Variants in CLNK observed in about 807,000 individuals in gnomAD.
The protein encoded by CLNK is cytokine-dependent hematopoietic cell linker.
A neutral mutation model predicts 68.6 loss-of-function variants in CLNK; 74 were observed. The ratio of observed to expected loss-of-function variants is 1.08; its 90% CI spans 0.89 to 1.31. The LOEUF (loss-of-function observed/expected upper bound fraction) is 1.31, where lower values mean the gene tolerates loss of function less well. Among genes scored for constraint, CLNK ranks in the 50% most tolerant of loss-of-function variants. The pLI, the probability that CLNK is intolerant of heterozygous loss-of-function variation, is 0.00. For missense variants in CLNK, 553 were observed against 515.3 expected (o/e 1.07, Z -0.71); for synonymous variants, 198 against 172.2 (o/e 1.15, Z -1.17).
the CLNK span, among the ~76,000 whole-genome samples, chr4:10,690,705 T>C: frequency 6.6e-6 from 1 of 152,208 alleles, no homozygotes; most frequent in Non-Finnish European, 1.5e-5. Flanking sequence ...TGTGTTAGTA[T>C]CATTATCGCT....
chr4:10,665,622 C>G (rs1040994358), intron 2 of CLNK, among the ~76,000 whole-genome samples: 1 of 148,162 alleles, frequency 6.7e-6, no homozygotes, highest in African/African-American at 2.5e-5. Context: ...TGAGATCATG[C>G]CACTGCACTA....
At chr4:10,526,026 G>C in intron 13 of CLNK, 104 bp from the exon 14 acceptor site, 1 of 660,314 alleles carries the variant, frequency 1.5e-6, no homozygotes, top group South Asian at 2.0e-5. Flanking sequence ...AGTAATCTCT[G>C]ATTATTAGAA....
intron 2 of CLNK, among the ~76,000 whole-genome samples, chr4:10,602,587 C>T (rs1489227237): frequency 6.6e-6 from 1 of 152,178 alleles, no homozygotes; most frequent in East Asian, 1.9e-4. Context: ...TGGGAGGGAG[C>T]ACGGCCCTAG....
chr4:10,721,387 C>T, the CLNK span, among the ~76,000 whole-genome samples: 2 of 152,082 alleles, frequency 1.3e-5, no homozygotes, highest in Non-Finnish European at 2.9e-5. Flanking sequence ...GCATGAGACT[C>T]TACAATCATC....
chr4:10,503,400 TGC>T (rs1717139758), intron 17 of CLNK, among the ~76,000 whole-genome samples: 1 of 151,304 alleles, frequency 6.6e-6, no homozygotes, highest in South Asian at 2.1e-4. Context: ...AGGCGGAGGT[TGC>T]AGTGAGCCGA....
the CLNK span, among the ~76,000 whole-genome samples, chr4:10,718,251 T>G: frequency 2.0e-5 from 3 of 152,054 alleles, no homozygotes; most frequent in Non-Finnish European, 2.9e-5. Context: ...AAAGAAATAC[T>G]CAGAGAAATA....
intron 6 of CLNK, among the ~76,000 whole-genome samples, chr4:10,565,285 G>A (rs557356164): frequency 1.3e-5 from 2 of 152,306 alleles, no homozygotes; most frequent in African/African-American, 4.8e-5. Flanking sequence ...AATGCTTACT[G>A]AATGAATGAA....
chr4:10,698,383 T>G, the CLNK span, among the ~76,000 whole-genome samples: 15,442 of 152,228 alleles, frequency 0.1, 881 homozygotes, highest in South Asian at 0.19. Flanking sequence ...GAAATACCCA[T>G]GCCATTATTA....
In CLNK at chr4:10,566,005, T is replaced by C; in HGVS notation, c.292+4A>G. The C allele has an allele frequency of 6.2e-7, 1 of 1,613,472 alleles. No homozygotes were observed. Among genetic ancestry groups the C allele is most frequent in the South Asian group, 1.1e-5 (1 of 91,026 alleles). On this transcript the variant is annotated splice_donor_region_variant and intron_variant, in intron 6 of 18. Coordinates refer to ENST00000226951, the MANE Select transcript of CLNK (RefSeq NM_052964.4). ...CTTATTTCAGGCAGACCCCCAAACGTTACCTGCATATTCAGATTCCTTTAT... is the reference window on the plus strand; with the variant it reads ...CTTATTTCAGGCAGACCCCCAAACGCTACCTGCATATTCAGATTCCTTTAT...
chr4:10,669,452 G>A (rs1274649456), intron 1 of CLNK, among the ~76,000 whole-genome samples: 1 of 152,164 alleles, frequency 6.6e-6, no homozygotes, highest in Admixed American at 6.5e-5. Flanking sequence ...TAAGGGAGGT[G>A]TTCCAAGCAA....
chr4:10,734,254 G>A, the CLNK span, among the ~76,000 whole-genome samples: 1 of 152,136 alleles, frequency 6.6e-6, no homozygotes, highest in Non-Finnish European at 1.5e-5. Flanking sequence ...ACCAAACCTG[G>A]GCATTTTGTT....
intron 11 of CLNK, among the ~76,000 whole-genome samples, chr4:10,536,863 T>G (rs1718779271): frequency 6.6e-6 from 1 of 151,876 alleles, no homozygotes; most frequent in Admixed American, 6.6e-5. Flanking sequence ...ACCAAGACAG[T>G]AACCCAATAG....
At chr4:10,545,232 G>T (rs548161581) in intron 8 of CLNK, among the ~76,000 whole-genome samples, 1 of 152,238 alleles carries the variant, frequency 6.6e-6, no homozygotes, top group African/African-American at 2.4e-5. Flanking sequence ...CTGTGAGCCT[G>T]TGAAATCAAA....
At chr4:10,608,021 C>G (rs1192549579) in intron 2 of CLNK, among the ~76,000 whole-genome samples, 3 of 152,130 alleles carry the variant, frequency 2.0e-5, no homozygotes, top group Non-Finnish European at 2.9e-5. Flanking sequence ...AGCTGAAAAT[C>G]TAGTAGAAGA....
chr4:10,651,778 A>G (rs17267821), intron 2 of CLNK, among the ~76,000 whole-genome samples: 63,620 of 151,838 alleles, frequency 0.42, 14,252 homozygotes, highest in Non-Finnish European at 0.51. Context: ...TCAGAATTCA[A>G]GTGTTGAAAG....
chr4:10,580,469 T>C (rs1175308583), intron 4 of CLNK, among the ~76,000 whole-genome samples: 2 of 152,156 alleles, frequency 1.3e-5, no homozygotes, highest in African/African-American at 4.8e-5. Context: ...AAGAAGTCAT[T>C]GTTATCCTAG....
At chr4:10,518,834 T>C (rs1032825678) in intron 15 of CLNK, among the ~76,000 whole-genome samples, 5 of 152,180 alleles carry the variant, frequency 3.3e-5, no homozygotes, top group African/African-American at 4.8e-5. Context: ...CCTGATGCAT[T>C]AGAGAGCTCA....
chr4:10,649,986 G>A (rs750575895), intron 2 of CLNK, among the ~76,000 whole-genome samples: 1 of 151,982 alleles, frequency 6.6e-6, no homozygotes, highest in Non-Finnish European at 1.5e-5. Context: ...GTGGACAAAT[G>A]TTACAGCCAT....
intron 1 of CLNK, among the ~76,000 whole-genome samples, chr4:10,672,230 G>A (rs571360770): frequency 6.6e-6 from 1 of 152,304 alleles, no homozygotes; most frequent in Admixed American, 6.5e-5. Context: ...TGCTAGGTGT[G>A]AGTGCATGCC....
Sources: gnomAD v4.1 joint callset for allele counts (sites outside exome capture counted in the v4.1 genomes callset) on GRCh38, gnomAD v4.1.1 for gene constraint, MANE v1.5 for transcripts, NCBI Gene and HGNC (gene_info 2026-07-23, HGNC 2026-07-21) for gene names.